Variants in CNTN3 observed in about 807,000 individuals in gnomAD.
CNTN3 encodes contactin 3, also known as contactin-3.
A neutral mutation model predicts 119.1 loss-of-function variants in CNTN3; 60 were observed. The observed-to-expected ratio is 0.50, with a 90% CI of 0.41 to 0.62. The LOEUF (loss-of-function observed/expected upper bound fraction) is 0.62. Among genes scored for constraint, CNTN3 ranks in the 20% least tolerant of loss-of-function variants. CNTN3 has a pLI of 0.00. For missense variants in CNTN3, 1,101 were observed against 1,242.4 expected (o/e 0.89, Z 1.71); for synonymous variants, 450 against 438.7 (o/e 1.03, Z -0.32).
chr3:74,512,288 T>TGTGA (rs1157416403), intron 2 of CNTN3, among the ~76,000 whole-genome samples: 8 of 152,174 alleles, frequency 5.3e-5, no homozygotes, highest in African/African-American at 1.7e-4. Context: ...GAATTGTCGT[T>TGTGA]ATCTTCATGG....
intron 4 of CNTN3, among the ~76,000 whole-genome samples, chr3:74,477,645 G>A (rs923865507): frequency 6.6e-6 from 1 of 152,058 alleles, no homozygotes; most frequent in Non-Finnish European, 1.5e-5. Flanking sequence ...AAAAGAGTTA[G>A]ACAGAATAAG....
intron 13 of CNTN3, among the ~76,000 whole-genome samples, chr3:74,306,101 A>G (rs1020497031): frequency 1.3e-5 from 2 of 151,988 alleles, no homozygotes; most frequent in African/African-American, 2.4e-5. Context: ...AAGAAACTCC[A>G]AAAGGAAGTT....
At chr3:74,564,012 G>C (rs1039324348) in intron 1 of CNTN3, among the ~76,000 whole-genome samples, 20 of 152,234 alleles carry the variant, frequency 1.3e-4, no homozygotes, top group African/African-American at 3.6e-4. Context: ...AAGCCCAATG[G>C]ATAGGAGCGG....
intron 1 of CNTN3, among the ~76,000 whole-genome samples, chr3:74,554,430 G>C (rs1293763782): frequency 6.6e-6 from 1 of 152,160 alleles, no homozygotes; most frequent in Non-Finnish European, 1.5e-5. Flanking sequence ...GAAGTTTAAA[G>C]TAGTTTTTTC....
chr3:74,606,884 G>T (rs1705001236), intron 1 of CNTN3, among the ~76,000 whole-genome samples: 1 of 152,084 alleles, frequency 6.6e-6, no homozygotes, highest in Non-Finnish European at 1.5e-5. Context: ...GGCAACTGCT[G>T]CTTAACACTA....
At chr3:74,532,466 A>G (rs1703706571) in intron 1 of CNTN3, among the ~76,000 whole-genome samples, 1 of 152,020 alleles carries the variant, frequency 6.6e-6, no homozygotes, top group African/African-American at 2.4e-5. Context: ...TAAGACAGAG[A>G]TGAACAACAA....
chr3:74,412,038 T>C (rs1701446531), intron 5 of CNTN3, among the ~76,000 whole-genome samples: 2 of 152,212 alleles, frequency 1.3e-5, no homozygotes, highest in Admixed American at 6.6e-5. Flanking sequence ...ACAAGCAATT[T>C]ACTTATAGCT....
intron 4 of CNTN3, among the ~76,000 whole-genome samples, chr3:74,484,986 TA>T (rs1702826325): frequency 6.6e-6 from 1 of 152,114 alleles, no homozygotes; most frequent in Admixed American, 6.5e-5. Flanking sequence ...AATAAGAATA[TA>T]AAAATAAGAA....
chr3:74,492,545 C>T (rs1257733954), intron 3 of CNTN3, among the ~76,000 whole-genome samples: 3 of 152,180 alleles, frequency 2.0e-5, no homozygotes. Flanking sequence ...AAAACAGCTG[C>T]ATGCCCTGAG....
chr3:74,325,703 T>A (rs1703111143), intron 13 of CNTN3, among the ~76,000 whole-genome samples: 1 of 152,052 alleles, frequency 6.6e-6, no homozygotes, highest in Non-Finnish European at 1.5e-5. Flanking sequence ...TACAAATACC[T>A]CTAAGTAAAG....
intron 2 of CNTN3, among the ~76,000 whole-genome samples, chr3:74,519,594 T>G (rs992279182): frequency 6.6e-6 from 1 of 151,786 alleles, no homozygotes; most frequent in East Asian, 1.9e-4. Flanking sequence ...CAAAATTTCA[T>G]ATCATAAACA....
chr3:74,488,294 T>C (rs1702897071), intron 3 of CNTN3, among the ~76,000 whole-genome samples: 1 of 151,928 alleles, frequency 6.6e-6, no homozygotes, highest in Non-Finnish European at 1.5e-5. Flanking sequence ...TTTGTATTTT[T>C]AGTAGAGACA....
Position 74,316,444 on chromosome 3 carries a change from G to A in CNTN3, c.1669-13637C>T, listed in dbSNP as rs1702831995. Among the ~76,000 whole-genome samples, 3 of 152,094 alleles carry A rather than the reference G, an allele frequency of 2.0e-5. No individual in the cohort carries two copies. The South Asian group carries it at 6.2e-4, about 32-fold the overall frequency. ...GCATTTTGGAGATTTCCCAAAGAAGGAAAAGCTGAACTCCATTTAACCCAG... is the reference window on the plus strand; with the variant it reads ...GCATTTTGGAGATTTCCCAAAGAAGAAAAAGCTGAACTCCATTTAACCCAG... On this transcript the variant is annotated intron_variant, in intron 13 of 22. Coordinates refer to ENST00000263665, the MANE Select transcript of CNTN3 (RefSeq NM_020872.3).
chr3:74,367,775 T>C (rs1220768184), intron 8 of CNTN3, among the ~76,000 whole-genome samples: 1 of 152,152 alleles, frequency 6.6e-6, no homozygotes, highest in Non-Finnish European at 1.5e-5. Context: ...AATTGTTTAT[T>C]ATGTATACAG....
intron 5 of CNTN3, among the ~76,000 whole-genome samples, chr3:74,407,563 G>A (rs954611571): frequency 5.3e-5 from 8 of 150,506 alleles, no homozygotes; most frequent in Admixed American, 2.6e-4. Flanking sequence ...GTGAGCCACC[G>A]CGCCCGGCCA....
At chr3:74,596,395 A>G (rs1038731667) in intron 1 of CNTN3, among the ~76,000 whole-genome samples, 6 of 152,170 alleles carry the variant, frequency 3.9e-5, no homozygotes, top group African/African-American at 1.4e-4. Context: ...CCTAAGCTGG[A>G]AGAACAAAGC....
At chr3:74,339,571 T>G (rs1703480225) in intron 11 of CNTN3, among the ~76,000 whole-genome samples, 1 of 152,066 alleles carries the variant, frequency 6.6e-6, no homozygotes, top group Non-Finnish European at 1.5e-5. Context: ...AGTGTCCAAT[T>G]ACATATTTGT....
At chr3:74,613,269 CTTTTTTTTTT>C (rs758332591) in intron 1 of CNTN3, among the ~76,000 whole-genome samples, 1 of 132,490 alleles carries the variant, frequency 7.5e-6, no homozygotes, top group Admixed American at 7.6e-5. Flanking sequence ...AGTCTTCCTA[CTTTTTTTTTT>C]TTTTTTTTAG....
intron 4 of CNTN3, among the ~76,000 whole-genome samples, chr3:74,428,592 T>C (rs1324114087): frequency 6.6e-6 from 1 of 152,210 alleles, no homozygotes; most frequent in Non-Finnish European, 1.5e-5. Flanking sequence ...TTATTATGGG[T>C]CAAAATTCAT....
Sources: gnomAD v4.1 joint callset for allele counts (sites outside exome capture counted in the v4.1 genomes callset) on GRCh38, gnomAD v4.1.1 for gene constraint, MANE v1.5 for transcripts, NCBI Gene and HGNC (gene_info 2026-07-23, HGNC 2026-07-21) for gene names.